DCAF1: variants seen among roughly 807,000 people sequenced by gnomAD.
DCAF1 encodes the protein DDB1- and CUL4-associated factor 1.
Under a neutral mutation model 128.0 loss-of-function variants are expected in DCAF1, and 15 were observed. The ratio of observed to expected loss-of-function variants is 0.12; its 90% CI spans 0.08 to 0.18. DCAF1 has a LOEUF of 0.18. Ranked by LOEUF, DCAF1 falls within the 10% of genes least tolerant of loss-of-function variation. The pLI, the probability that DCAF1 is intolerant of heterozygous loss-of-function variation, is 1.00. For synonymous variants in DCAF1, 610 were observed against 603.0 expected (o/e 1.01, Z -0.17); for missense variants, 988 against 1,649.5 (o/e 0.60, Z 6.95).
intron 6 of DCAF1, 82 bp from the exon 7 acceptor site, chr3:51,443,985 GA>G: frequency 2.2e-6 from 3 of 1,367,732 alleles, no homozygotes; most frequent in Non-Finnish European, 2.9e-6. Context: ...TCAGTCTCAT[GA>G]AAAAAATTTT....
intron 3 of DCAF1, among the ~76,000 whole-genome samples, chr3:51,478,222 T>A (rs1705722062): frequency 6.6e-6 from 1 of 152,030 alleles, no homozygotes; most frequent in African/African-American, 2.4e-5. Flanking sequence ...CCAGGCTGGT[T>A]TTGAGCTCCT....
intron 4 of DCAF1, among the ~76,000 whole-genome samples, chr3:51,469,227 T>TA (rs1406913634): frequency 2.7e-5 from 4 of 147,222 alleles, no homozygotes; most frequent in African/African-American, 1.0e-4. Flanking sequence ...ACAAATTTTT[T>TA]TTTTTTTTTT....
At chr3:51,458,361 T>G (rs2107969764) in intron 6 of DCAF1, among the ~76,000 whole-genome samples, 1 of 152,216 alleles carries the variant, frequency 6.6e-6, no homozygotes, top group South Asian at 2.1e-4. Flanking sequence ...CAAGAAGAGC[T>G]AACTATCCTA....
At chr3:51,502,585 A>G (rs1405653354), upstream of DCAF1, among the ~76,000 whole-genome samples, 1 of 152,030 alleles carries the variant, frequency 6.6e-6, no homozygotes, top group Non-Finnish European at 1.5e-5. Context: ...AATTTTTTTA[A>G]AAAACAAACC....
At chr3:51,402,040 T>C (rs1476662251) in intron 24 of DCAF1, among the ~76,000 whole-genome samples, 1 of 152,198 alleles carries the variant, frequency 6.6e-6, no homozygotes, top group Non-Finnish European at 1.5e-5. Context: ...AACAGCCTCT[T>C]TGAACTATTT....
chr3:51,430,007 G>A, intron 11 of DCAF1, 26 bp downstream of exon 11: 1 of 778,984 alleles, frequency 1.3e-6, no homozygotes, highest in African/African-American at 1.7e-5. Context: ...TCAATCCTAG[G>A]GAGAAAAGCA....
At chr3:51,425,606 C>T (rs1001927387) in intron 13 of DCAF1, among the ~76,000 whole-genome samples, 2 of 145,230 alleles carry the variant, frequency 1.4e-5, no homozygotes, top group Non-Finnish European at 3.0e-5. Flanking sequence ...TCTGTTGCCC[C>T]GGCTAAAGTG....
intron 2 of DCAF1, among the ~76,000 whole-genome samples, chr3:51,487,057 T>C (rs1416046877): frequency 2.6e-5 from 4 of 151,674 alleles, no homozygotes; most frequent in Non-Finnish European, 4.4e-5. Flanking sequence ...AACCTCCACA[T>C]CCCGGATTCA....
chr3:51,502,454 G>C (rs1325916490), upstream of DCAF1, among the ~76,000 whole-genome samples: 1 of 152,104 alleles, frequency 6.6e-6, no homozygotes, highest in Non-Finnish European at 1.5e-5. Context: ...CTATTTATGA[G>C]GCTGAGGTGG....
downstream of DCAF1, chr3:51,396,620 GCCT>G (rs1292699657): frequency 6.0e-6 from 1 of 167,236 alleles, no homozygotes; most frequent in Non-Finnish European, 1.5e-5. Flanking sequence ...TTCTCATGCT[GCCT>G]CCTAAGTGAC....
At chr3:51,446,897 T>A (rs1488717062) in intron 6 of DCAF1, among the ~76,000 whole-genome samples, 1 of 147,098 alleles carries the variant, frequency 6.8e-6, no homozygotes, top group African/African-American at 2.5e-5. Flanking sequence ...AAGGTGGAGA[T>A]TGCAGTGAGC....
chr3:51,444,089 T>C (rs1553639672), intron 6 of DCAF1, among the ~76,000 whole-genome samples, 186 bp from the exon 7 acceptor site: 1 of 152,168 alleles, frequency 6.6e-6, no homozygotes, highest in Non-Finnish European at 1.5e-5. Context: ...TAGAAGCCTA[T>C]TCAGCCAATA....
chr3:51,478,931 T>C (rs1705818789), intron 3 of DCAF1, among the ~76,000 whole-genome samples: 1 of 152,142 alleles, frequency 6.6e-6, no homozygotes, highest in South Asian at 2.1e-4. Context: ...TTTATCCCCA[T>C]TTAAACTTTC....
chr3:51,409,296 T>C (rs1698187127), intron 23 of DCAF1, among the ~76,000 whole-genome samples: 1 of 152,152 alleles, frequency 6.6e-6, no homozygotes, highest in Non-Finnish European at 1.5e-5. Context: ...CAACCTCCAG[T>C]GCCTTTGCCT....
At chr3:51,411,317 C>G (rs1698397870) in intron 23 of DCAF1, among the ~76,000 whole-genome samples, 1 of 152,168 alleles carries the variant, frequency 6.6e-6, no homozygotes, top group Non-Finnish European at 1.5e-5. Context: ...TCATTTTCAA[C>G]TTTACAGTAC....
Position 51,414,709 on chromosome 3 carries a change from G to C in DCAF1, c.3752C>G (p.Ala1251Gly), listed in dbSNP as rs782698137. ...GVLWDVRSAQ[A>G]IHKFDKFNMN... Reference sequence around the variant, plus strand: ...ATTGAACTTGTCAAACTTGTGGATGGCCTGTGCAGAGCGGACATCCCAGAG... The same window carrying C: ...ATTGAACTTGTCAAACTTGTGGATGCCCTGTGCAGAGCGGACATCCCAGAG... Residue 1251 changes from alanine (A) to glycine (G), a missense_variant, in exon 19 of 25, where the codon GCC becomes GGC. Ala to Gly is a moderately conservative substitution (Grantham distance 60). Transcript: ENST00000684031. The C allele has an allele frequency of 6.8e-6, 11 of 1,613,972 alleles. No homozygotes were observed. In the South Asian group the frequency reaches 1.2e-4, roughly 18 times the overall value.
rs1553641391 is a variant in DCAF1 at position 51,451,066 on chromosome 3, A to ACTCTTTTTT, written c.376-7164_376-7163insAAAAAAGAG. ...TAGCAATGAACAATATAAAAAGGAA[A>ACTCTTTTTT]TTCTTTTTTTTTTTTTTTTTTTTTT... On this transcript the variant is annotated intron_variant, in intron 6 of 24. Coordinates refer to ENST00000684031, the MANE Select transcript of DCAF1 (RefSeq NM_001387579.1). Among the ~76,000 whole-genome samples the ACTCTTTTTT allele has an allele frequency of 3.0e-4, 10 of 32,826 alleles. 1 individual carries two copies. Among genetic ancestry groups the ACTCTTTTTT allele is most frequent in the Non-Finnish European group, 5.4e-4 (8 of 14,742 alleles). 21.5% of individuals were successfully genotyped at this position (32,826 alleles called of 152,430 possible). A position where few individuals can be genotyped will look rare whatever the true frequency, so the allele number is the denominator to read the frequency against.
intron 6 of DCAF1, among the ~76,000 whole-genome samples, chr3:51,462,090 G>GA (rs1202236543): frequency 6.6e-6 from 1 of 150,778 alleles, no homozygotes; most frequent in African/African-American, 2.4e-5. Flanking sequence ...AAAAAGAAAA[G>GA]AAAAAAAACC....
At position 51,483,790 on chromosome 3, in the gene DCAF1, C is replaced by T. The variant is rs782130607; in HGVS notation, c.39G>A (p.Glu13=). 3.1e-6 allele frequency: 5 copies of T among 1,613,848 alleles called. No individual in the cohort carries two copies. Among genetic ancestry groups the T allele is most frequent in the South Asian group, 2.2e-5 (2 of 91,080 alleles). ...CCCACTGCTCCAGCAGGGTAGTGAGCTCAGCTTTGGAGTCCACATGTACCA... is the reference window on the plus strand; with the variant it reads ...CCCACTGCTCCAGCAGGGTAGTGAGTTCAGCTTTGGAGTCCACATGTACCA... ...TVVVHVDSKA[E]LTTLLEQWEK... The change falls in exon 3 of 25, where the codon GAG becomes GAA. Residue 13 remains glutamate (E), a synonymous_variant. Transcript: ENST00000684031.
Sources: allele counts gnomAD v4.1 joint callset (sites outside exome capture counted in the v4.1 genomes callset), GRCh38; gene constraint gnomAD v4.1.1; transcripts MANE v1.5; gene names NCBI Gene and HGNC (gene_info 2026-07-23, HGNC 2026-07-21).